IL6ST: variants seen among roughly 807,000 people sequenced by gnomAD.
IL6ST encodes interleukin-6 receptor subunit beta.
In IL6ST, 24 loss-of-function variants were observed where a neutral mutation model predicts 91.3. That is an observed-to-expected ratio of 0.26 (90% CI 0.19 to 0.37). The LOEUF (loss-of-function observed/expected upper bound fraction) is 0.37, where lower values mean the gene tolerates loss of function less well. Ranked by LOEUF, IL6ST falls within the 10% of genes least tolerant of loss-of-function variation. The pLI is 1.00. For synonymous variants in IL6ST, 351 were observed against 373.6 expected, an observed-to-expected ratio of 0.94 and a Z score of 0.70; for missense variants, 914 against 1,078.5, an observed-to-expected ratio of 0.85 and a Z score of 2.14.
Position 55,935,402 on chromosome 5 carries a change from G to A in IL6ST, c.*5680C>T, listed in dbSNP as rs546708630. ...TCTGTTGAAAATCTTTAGCGGTTGG[G>A]GAAAATAGCTATATTTAAAAACAAA... On this transcript the variant is annotated 3_prime_UTR_variant, in exon 17 of 17. Coordinates refer to ENST00000381298, the MANE Select transcript of IL6ST (RefSeq NM_002184.4). 26 of 203,610 alleles carry A rather than the reference G, an allele frequency of 1.3e-4. No homozygotes were observed. Among genetic ancestry groups the A allele is most frequent in the Non-Finnish European group, 2.1e-4 (21 of 99,356 alleles). The allele number at this position is 203,610 out of a possible 1,614,324, so 12.6% of individuals were successfully genotyped here. A position where few individuals can be genotyped will look rare whatever the true frequency, so the allele number is the denominator to read the frequency against.
At chr5:55,989,296 C>T (rs1169182158) in intron 1 of IL6ST, among the ~76,000 whole-genome samples, 3 of 151,964 alleles carry the variant, frequency 2.0e-5, no homozygotes, top group Admixed American at 2.0e-4. Flanking sequence ...TAAAAGGTTG[C>T]TCATTTGCTG....
chr5:55,968,246 C>A, intron 5 of IL6ST, 30 bp downstream of exon 5: 2 of 1,535,780 alleles, frequency 1.3e-6, no homozygotes, highest in Non-Finnish European at 1.8e-6. Context: ...TTTAATAAAT[C>A]TAACATGAAA....
intron 2 of IL6ST, among the ~76,000 whole-genome samples, chr5:55,976,505 C>T (rs1163245649): frequency 6.6e-6 from 1 of 152,102 alleles, no homozygotes; most frequent in Non-Finnish European, 1.5e-5. Context: ...ATAATTTATA[C>T]TTTAAGGTTA....
In IL6ST at chr5:55,935,904, G is replaced by T. The variant is rs1280815134; in HGVS notation, c.*5178C>A. On this transcript the variant is annotated 3_prime_UTR_variant, in exon 17 of 17. Transcript: ENST00000381298. ...GGACTGTATCTATCATACACATTAGGATAAGATGAGCCACCACACCTTAAA... is the reference window on the plus strand; with the variant it reads ...GGACTGTATCTATCATACACATTAGTATAAGATGAGCCACCACACCTTAAA... 4.6e-6 allele frequency: 1 copy of T among 218,818 alleles called. No homozygotes were observed. The highest frequency in any genetic ancestry group is 9.2e-6 in the Non-Finnish European group (1 of 109,176). The allele number at this position is 218,818 out of a possible 1,614,324, so 13.6% of individuals were successfully genotyped here. A position where few individuals can be genotyped will look rare whatever the true frequency, so the allele number is the denominator to read the frequency against.
intron 15 of IL6ST, among the ~76,000 whole-genome samples, chr5:55,943,009 T>A (rs969792821): frequency 2.6e-5 from 4 of 152,174 alleles, no homozygotes; most frequent in Admixed American, 6.5e-5. Context: ...AATTTTTTTT[T>A]AAACTCTCAA....
chr5:55,942,821 A>C, intron 15 of IL6ST, 70 bp from the exon 16 acceptor site: 1 of 823,140 alleles, frequency 1.2e-6, no homozygotes, highest in African/African-American at 1.7e-5. Flanking sequence ...CTATTTCTAA[A>C]CATGTTCATC....
chr5:55,980,172 C>T (rs73122416), intron 2 of IL6ST, among the ~76,000 whole-genome samples: 5,106 of 152,174 alleles, frequency 0.034, 290 homozygotes, highest in African/African-American at 0.12. Context: ...GGTAGGGAGA[C>T]GCTCCACCAT....
chr5:55,971,058 G>C (rs1302347333), intron 3 of IL6ST, among the ~76,000 whole-genome samples: 1 of 152,044 alleles, frequency 6.6e-6, no homozygotes, highest in Non-Finnish European at 1.5e-5. Flanking sequence ...GCTTTCAATA[G>C]CCCATTAGAC....
intron 1 of IL6ST, among the ~76,000 whole-genome samples, chr5:55,990,791 A>G (rs538239029): frequency 6.6e-6 from 1 of 152,208 alleles, no homozygotes; most frequent in African/African-American, 2.4e-5. Flanking sequence ...CATGTGCACA[A>G]CATGCAGGTT....
intron 11 of IL6ST, among the ~76,000 whole-genome samples, chr5:55,954,179 T>C (rs1202845417): frequency 3.3e-5 from 5 of 152,248 alleles, no homozygotes; most frequent in Non-Finnish European, 7.3e-5. Context: ...GGAATCTCTC[T>C]GCTTAGGGCT....
At chr5:55,952,187 A>G in intron 12 of IL6ST, 63 bp downstream of exon 12, 1 of 1,494,492 alleles carries the variant, frequency 6.7e-7, no homozygotes, top group Non-Finnish European at 9.2e-7. Flanking sequence ...TAAAAGCGAT[A>G]AAATGTTTCT....
At chr5:55,988,723 G>A (rs553054380) in intron 1 of IL6ST, among the ~76,000 whole-genome samples, 52 of 144,204 alleles carry the variant, frequency 3.6e-4, no homozygotes, top group East Asian at 1.2e-3. Flanking sequence ...CCGGGATGTC[G>A]CCACTGCACT....
intron 13 of IL6ST, 77 bp from the exon 14 acceptor site, chr5:55,951,681 A>T: frequency 7.2e-7 from 1 of 1,391,856 alleles, no homozygotes; most frequent in Admixed American, 2.4e-5. Context: ...GCATTGTGAA[A>T]GTGTTAAAAA....
At chr5:55,958,213 C>T (rs1005531256) in intron 8 of IL6ST, among the ~76,000 whole-genome samples, 1 of 152,118 alleles carries the variant, frequency 6.6e-6, no homozygotes, top group Non-Finnish European at 1.5e-5. Flanking sequence ...TCAGGTGATC[C>T]TCCCACCTCA....
rs1257357628 is a variant in IL6ST at position 55,980,993 on chromosome 5, G to A, written c.-16+1731C>T. On this transcript the variant is annotated intron_variant, in intron 2 of 16. Coordinates refer to ENST00000381298, the MANE Select transcript of IL6ST (RefSeq NM_002184.4). The stretch of plus-strand genomic sequence containing the variant: ...AATCCTCCTTCTTTGGCCACCCAAA[G>A]TGCTGGAATTACAGGTGTGAGCCAC... Among the ~76,000 whole-genome samples, 5 of 152,286 alleles carry A rather than the reference G, an allele frequency of 3.3e-5. No individual in the cohort carries two copies. The East Asian group carries it at 9.7e-4, about 29-fold the overall frequency.
At chr5:55,982,652 T>C in intron 2 of IL6ST, 72 bp downstream of exon 2, 1 of 396,896 alleles carries the variant, frequency 2.5e-6, no homozygotes, top group Non-Finnish European at 4.4e-6. Flanking sequence ...ATCAGGTGAG[T>C]AGGGCAGGGA....
At chr5:55,979,513 A>T (rs1409119552) in intron 2 of IL6ST, among the ~76,000 whole-genome samples, 1 of 152,222 alleles carries the variant, frequency 6.6e-6, no homozygotes, top group African/African-American at 2.4e-5. Context: ...ATTCTTACAT[A>T]TTAGTGTTGG....
At chr5:55,975,436 G>A (rs957705105) in intron 3 of IL6ST, among the ~76,000 whole-genome samples, 6 of 151,962 alleles carry the variant, frequency 3.9e-5, no homozygotes, top group Middle Eastern at 3.2e-3. Flanking sequence ...CCATGCTTCC[G>A]CACAGCCTAC....
chr5:55,993,094 T>C (rs1408787937), intron 1 of IL6ST, among the ~76,000 whole-genome samples: 2 of 152,208 alleles, frequency 1.3e-5, no homozygotes, highest in Non-Finnish European at 2.9e-5. Flanking sequence ...TCCATGCTTC[T>C]CTAGGAGCCA....
Sources: gnomAD v4.1 joint callset for allele counts (sites outside exome capture counted in the v4.1 genomes callset) on GRCh38, gnomAD v4.1.1 for gene constraint, MANE v1.5 for transcripts, NCBI Gene and HGNC (gene_info 2026-07-23, HGNC 2026-07-21) for gene names.